ARHGAP26: variants seen among roughly 807,000 people sequenced by gnomAD.
The protein encoded by ARHGAP26 is Rho GTPase activating protein 26, also known as rho GTPase-activating protein 26.
Under a neutral mutation model 104.8 loss-of-function variants are expected in ARHGAP26, and 38 were observed. That is an observed-to-expected ratio of 0.36 (90% CI 0.28 to 0.48). The LOEUF (loss-of-function observed/expected upper bound fraction) is 0.48. ARHGAP26 is among the 20% of genes least tolerant of loss of function. The probability of loss-of-function intolerance (pLI) is 0.99; values close to 1 mark genes in which losing one functional copy is unlikely to be tolerated. For synonymous variants in ARHGAP26, 341 were observed against 340.0 expected (o/e 1.00, Z -0.03); for missense variants, 704 against 947.9 (o/e 0.74, Z 3.38).
intron 1 of ARHGAP26, among the ~76,000 whole-genome samples, chr5:142,823,438 A>G (rs750773465): frequency 6.6e-6 from 1 of 152,102 alleles, no homozygotes; most frequent in Non-Finnish European, 1.5e-5. Context: ...ATAAAGCCAC[A>G]GACATCTGAA....
At chr5:143,003,689 T>C (rs1425508562) in intron 11 of ARHGAP26, among the ~76,000 whole-genome samples, 1 of 152,062 alleles carries the variant, frequency 6.6e-6, no homozygotes, top group Non-Finnish European at 1.5e-5. Context: ...AGTTAGGAAA[T>C]ATTTGTGGAG....
Position 143,226,041 on chromosome 5 carries a change from C to CCATG in ARHGAP26, c.*3596_*3599dup, listed in dbSNP as rs1370177450. On this transcript the variant is annotated 3_prime_UTR_variant, in exon 23 of 23. Coordinates refer to ENST00000645722, the MANE Select transcript of ARHGAP26 (RefSeq NM_001135608.3). ...ATGAATTGGTTATCAGAGTGGAAGA[C>CCATG]CATGGCCCAGGATCCCTGAGCTTTC... 1 of 213,082 alleles carries CCATG rather than the reference C, an allele frequency of 4.7e-6. No homozygotes were observed. Among genetic ancestry groups the CCATG allele is most frequent in the Non-Finnish European group, 9.5e-6 (1 of 105,244 alleles). 13.2% of individuals were successfully genotyped at this position (213,082 alleles called of 1,614,324 possible).
intron 1 of ARHGAP26, among the ~76,000 whole-genome samples, chr5:142,782,587 G>A (rs1757736056): frequency 6.6e-6 from 1 of 152,194 alleles, no homozygotes. Flanking sequence ...ACCATAGGGA[G>A]CATCCACATT....
chr5:143,143,451 C>T (rs1434021745), intron 19 of ARHGAP26, among the ~76,000 whole-genome samples: 3 of 152,104 alleles, frequency 2.0e-5, no homozygotes, highest in Admixed American at 1.3e-4. Context: ...AATTATTCTG[C>T]GGCTTTCCTT....
intron 12 of ARHGAP26, among the ~76,000 whole-genome samples, chr5:143,031,272 G>T (rs565648484): frequency 5.2e-4 from 79 of 152,356 alleles, no homozygotes; most frequent in African/African-American, 1.9e-3. Context: ...GGGCAGCAAG[G>T]TGCTGCAGGG....
chr5:143,041,023 G>T (rs1783384637), intron 13 of ARHGAP26, among the ~76,000 whole-genome samples: 1 of 152,198 alleles, frequency 6.6e-6, no homozygotes, highest in Admixed American at 6.5e-5. Flanking sequence ...GACATCAGAG[G>T]AATAAAATAG....
At chr5:143,101,220 A>T (rs192514244) in intron 17 of ARHGAP26, among the ~76,000 whole-genome samples, 1 of 152,330 alleles carries the variant, frequency 6.6e-6, no homozygotes, top group Admixed American at 6.5e-5. Flanking sequence ...GTTAGGAAGG[A>T]ATGAGAATGA....
chr5:143,214,192 T>G, intron 22 of ARHGAP26, 104 bp downstream of exon 22: 1 of 734,522 alleles, frequency 1.4e-6, no homozygotes, highest in Non-Finnish European at 2.3e-6. Context: ...AAAATCTCAA[T>G]ACAATGGGTA....
chr5:142,883,503 G>A (rs1237506421), intron 4 of ARHGAP26, among the ~76,000 whole-genome samples: 1 of 152,224 alleles, frequency 6.6e-6, no homozygotes, highest in Non-Finnish European at 1.5e-5. Flanking sequence ...CAGATTCATG[G>A]AAATGAGTAT....
chr5:143,132,593 CAG>C (rs1372289425), intron 18 of ARHGAP26, among the ~76,000 whole-genome samples: 1 of 151,364 alleles, frequency 6.6e-6, no homozygotes, highest in African/African-American at 2.4e-5. Context: ...ATGATACAAA[CAG>C]AATAAAGAAT....
At chr5:143,184,325 T>C (rs1804830232) in intron 20 of ARHGAP26, among the ~76,000 whole-genome samples, 1 of 152,186 alleles carries the variant, frequency 6.6e-6, no homozygotes, top group Non-Finnish European at 1.5e-5. Flanking sequence ...TAATGTATTA[T>C]TGCTTATCCT....
chr5:142,858,702 G>A (rs1175942484), intron 1 of ARHGAP26, among the ~76,000 whole-genome samples: 1 of 152,188 alleles, frequency 6.6e-6, no homozygotes, highest in Non-Finnish European at 1.5e-5. Flanking sequence ...GGTTTATAAT[G>A]TCATCGGAGC....
At chr5:142,924,625 T>C (rs1195656303) in intron 10 of ARHGAP26, among the ~76,000 whole-genome samples, 1 of 152,238 alleles carries the variant, frequency 6.6e-6, no homozygotes, top group Non-Finnish European at 1.5e-5. Flanking sequence ...TCTTACTTCC[T>C]CTGTCTCTCA....
intron 17 of ARHGAP26, among the ~76,000 whole-genome samples, chr5:143,066,035 C>T (rs1479217543): frequency 1.3e-5 from 2 of 152,210 alleles, no homozygotes; most frequent in African/African-American, 2.4e-5. Flanking sequence ...TATGTACAGT[C>T]ATGCGCCACA....
rs567733295 is a variant in ARHGAP26 at position 142,854,294 on chromosome 5, G to A, written c.155-19106G>A. 5.3e-5 allele frequency among the ~76,000 whole-genome samples: 8 copies of A among 152,256 alleles called. No individual in the cohort carries two copies. In the South Asian group the frequency reaches 1.2e-3, roughly 24 times the overall value. On this transcript the variant is annotated intron_variant, in intron 1 of 22. Coordinates refer to ENST00000645722, the MANE Select transcript of ARHGAP26 (RefSeq NM_001135608.3). The stretch of plus-strand genomic sequence containing the variant: ...CTCCCTGCCTCATAAGGAAGGTAAT[G>A]GGAATCTGCTTTGTTCCTCTCCACC...
chr5:143,058,371 G>A (rs1250292452), intron 17 of ARHGAP26, among the ~76,000 whole-genome samples: 1 of 152,218 alleles, frequency 6.6e-6, no homozygotes, highest in Non-Finnish European at 1.5e-5. Context: ...TGTCCTCTGA[G>A]ATAATCAAAG....
chr5:142,999,895 A>C (rs763364401), intron 11 of ARHGAP26, among the ~76,000 whole-genome samples: 4 of 152,194 alleles, frequency 2.6e-5, no homozygotes, highest in Non-Finnish European at 4.4e-5. Flanking sequence ...ACATATCCAG[A>C]ATGTATAGAG....
chr5:143,093,656 C>A (rs991355150), intron 17 of ARHGAP26, among the ~76,000 whole-genome samples: 1 of 150,678 alleles, frequency 6.6e-6, no homozygotes, highest in African/African-American at 2.4e-5. Context: ...CTCTTTCTTT[C>A]CTCTCTCTCT....
Position 143,153,797 on chromosome 5 carries a change from C to T in ARHGAP26, c.1988+6416C>T, listed in dbSNP as rs188889642. On this transcript the variant is annotated intron_variant, in intron 20 of 22. Coordinates refer to ENST00000645722, the MANE Select transcript of ARHGAP26 (RefSeq NM_001135608.3). Reference sequence around the variant, plus strand: ...GTCCTTCTGTCTTAACACACACGCTCATGCATTTCCAAGTTATTTCTGGTG... The same window carrying T: ...GTCCTTCTGTCTTAACACACACGCTTATGCATTTCCAAGTTATTTCTGGTG... 3.3e-5 allele frequency among the ~76,000 whole-genome samples: 5 copies of T among 152,274 alleles called. No individual in the cohort carries two copies. The East Asian group carries it at 7.7e-4, about 23-fold the overall frequency.
Sources: gnomAD v4.1 joint callset for allele counts (sites outside exome capture counted in the v4.1 genomes callset) on GRCh38, gnomAD v4.1.1 for gene constraint, MANE v1.5 for transcripts, NCBI Gene and HGNC (gene_info 2026-07-23, HGNC 2026-07-21) for gene names.